DEF6: variants seen among roughly 807,000 people sequenced by gnomAD.
DEF6 encodes the protein DEF6 guanine nucleotide exchange factor.
DEF6 carries 32 observed loss-of-function variants against 80.5 expected under a neutral mutation model. The ratio of observed to expected loss-of-function variants is 0.40; its 90% confidence interval spans 0.30 to 0.53. The LOEUF is 0.53. DEF6 is among the 20% of genes least tolerant of loss of function. DEF6 has a pLI of 0.57. For synonymous variants in DEF6, 300 were observed against 337.9 expected, an observed-to-expected ratio of 0.89 and a Z score of 1.23; for missense variants, 575 against 818.7, an observed-to-expected ratio of 0.70 and a Z score of 3.63.
intron 1 of DEF6, among the ~76,000 whole-genome samples, chr6:35,300,098 G>A (rs1022531528): frequency 6.6e-6 from 1 of 152,116 alleles, no homozygotes; most frequent in Non-Finnish European, 1.5e-5. Flanking sequence ...CATAGCTCAC[G>A]ACAGCCTCAA....
chr6:35,307,061 T>C (rs1053470033), intron 1 of DEF6, among the ~76,000 whole-genome samples: 4 of 152,218 alleles, frequency 2.6e-5, no homozygotes, highest in Non-Finnish European at 5.9e-5. Flanking sequence ...TTAATGAGCA[T>C]TCTTGTATCT....
At chr6:35,310,365 C>T in intron 2 of DEF6, 94 bp from the exon 3 acceptor site, 4 of 1,366,314 alleles carry the variant, frequency 2.9e-6, no homozygotes, top group Non-Finnish European at 4.1e-6. Flanking sequence ...AGGTGGGGAG[C>T]AGGGGCATAG....
intron 5 of DEF6, among the ~76,000 whole-genome samples, chr6:35,315,642 T>C (rs1791516527): frequency 1.3e-5 from 2 of 152,258 alleles, no homozygotes. Context: ...TTTATAGTTT[T>C]TCTTGTATAG....
Position 35,318,567 on chromosome 6 carries a change from C to A in DEF6, c.1215+96C>A. On this transcript the variant is annotated intron_variant, in intron 7 of 10. Coordinates refer to ENST00000316637, the MANE Select transcript of DEF6 (RefSeq NM_022047.4). This position sits in a 1 kb window ranked among gnomAD's most constrained non-coding sequence, Gnocchi z 5.1. Reference sequence around the variant, plus strand: ...GGCGGGGCCTGGGCAGAGGGCGGAGCTCCTGGGTTGAGGGGCGTGCACTGG... The same window carrying A: ...GGCGGGGCCTGGGCAGAGGGCGGAGATCCTGGGTTGAGGGGCGTGCACTGG... The A allele has an allele frequency of 8.1e-7, 1 of 1,228,806 alleles. No individual in the cohort carries two copies. Among genetic ancestry groups the A allele is most frequent in the Non-Finnish European group, 1.0e-6 (1 of 955,256 alleles). 76.1% of individuals were successfully genotyped at this position (1,228,806 alleles called of 1,614,324 possible).
intron 2 of DEF6, 21 bp from the exon 3 acceptor site, chr6:35,310,438 G>A (rs1791453198): frequency 6.2e-7 from 1 of 1,611,372 alleles, no homozygotes; most frequent in African/African-American, 1.3e-5. Flanking sequence ...GCAGTCAGCT[G>A]ATTTGCAGCC....
chr6:35,315,842 AGTCCCTTTTTTTTTTTTTTTTTTTTT>A (rs1358585858), intron 5 of DEF6, among the ~76,000 whole-genome samples: 2 of 133,358 alleles, frequency 1.5e-5, no homozygotes, highest in Non-Finnish European at 3.2e-5. Flanking sequence ...TTTTTGTTGG[AGTCCCTTTTTTTTTTTTTTTTTTTTT>A]TGAGGAGGAG....
chr6:35,318,022 G>A lies in DEF6; in HGVS notation c.916+23G>A. 1.9e-6 allele frequency: 3 copies of A among 1,602,382 alleles called. No individual in the cohort carries two copies. The highest frequency in any genetic ancestry group is 1.7e-6 in the Non-Finnish European group (2 of 1,173,930). On this transcript the variant is annotated intron_variant, in intron 6 of 10. Transcript: ENST00000316637. This position sits in a 1 kb window ranked among gnomAD's most constrained non-coding sequence, Gnocchi z 5.1. The stretch of plus-strand genomic sequence containing the variant: ...CTGGTGAGTGCTCGCTAGGTGGCTT[G>A]GGTCTGGGTGGTCCTTAGGCGCCTC...
At chr6:35,305,881 T>G (rs1013644937) in intron 1 of DEF6, among the ~76,000 whole-genome samples, 2 of 151,092 alleles carry the variant, frequency 1.3e-5, no homozygotes, top group African/African-American at 2.4e-5. Flanking sequence ...CCAAATTTGT[T>G]TTTTTGTTTT....
intron 5 of DEF6, among the ~76,000 whole-genome samples, chr6:35,314,162 C>T (rs988636475): frequency 1.3e-5 from 2 of 152,148 alleles, no homozygotes; most frequent in African/African-American, 2.4e-5. Flanking sequence ...AATCCCAGCA[C>T]TTTGGGAGGC....
At chr6:35,309,538 A>T in intron 1 of DEF6, 132 bp from the exon 2 acceptor site, 1 of 969,290 alleles carries the variant, frequency 1.0e-6, no homozygotes, top group Non-Finnish European at 1.5e-6. Context: ...TTTAGTTATT[A>T]CTGAACTGAA....
In DEF6 at chr6:35,321,183, C is replaced by A. The variant is rs770709255; in HGVS notation, c.1673-4C>A. The A allele has an allele frequency of 6.2e-7, 1 of 1,611,712 alleles. No homozygotes were observed. Among genetic ancestry groups the A allele is most frequent in the South Asian group, 1.1e-5 (1 of 90,982 alleles). ...TCCTTACTTGCCTGCCTTCTCTCTG[C>A]CAGATAAGCGTCCGGTCACCAGCAG... On this transcript the variant is annotated splice_region_variant and splice_polypyrimidine_tract_variant and intron_variant, in intron 10 of 10. Transcript: ENST00000316637.
At chr6:35,305,146 ATT>A (rs772142863) in intron 1 of DEF6, among the ~76,000 whole-genome samples, 6 of 134,694 alleles carry the variant, frequency 4.5e-5, no homozygotes, top group Non-Finnish European at 4.9e-5. Context: ...AAAAAAAAGA[ATT>A]TTTTTTTTTT....
intron 3 of DEF6, among the ~76,000 whole-genome samples, chr6:35,311,713 T>C (rs1791469492): frequency 6.6e-6 from 1 of 152,152 alleles, no homozygotes; most frequent in African/African-American, 2.4e-5. Context: ...CCGGTTCCTC[T>C]GTAACAGGTT....
intron 9 of DEF6, among the ~76,000 whole-genome samples, chr6:35,320,514 G>A (rs1288225882): frequency 6.6e-6 from 1 of 152,212 alleles, no homozygotes; most frequent in Non-Finnish European, 1.5e-5. Flanking sequence ...AGGTGGTGTA[G>A]TGCAGTGGCT....
chr6:35,309,755 G>T lies in DEF6; in HGVS notation c.182G>T (p.Gly61Val), dbSNP rs2150386747. 1 of 1,614,028 alleles carries T rather than the reference G, an allele frequency of 6.2e-7. No individual in the cohort carries two copies. The highest frequency in any genetic ancestry group is 8.5e-7 in the Non-Finnish European group (1 of 1,180,004). The change falls in exon 2 of 11, where the codon GGC becomes GTC. Residue 61 changes from glycine (G) to valine (V), a missense_variant. Transcript: ENST00000316637. Reference sequence around the variant, plus strand: ...GAACACTTCCGAGATGATGATGACGGCCCTGTGTCCAGCCAGGGATACATG... The same window carrying T: ...GAACACTTCCGAGATGATGATGACGTCCCTGTGTCCAGCCAGGGATACATG... ...LEEHFRDDDD[G>V]PVSSQGYMPY...
At chr6:35,305,010 A>C (rs1301231947) in intron 1 of DEF6, among the ~76,000 whole-genome samples, 1 of 147,102 alleles carries the variant, frequency 6.8e-6, no homozygotes, top group East Asian at 2.1e-4. Context: ...CCAACACTTT[A>C]GGAGGCCGAG....
chr6:35,318,079 C>T lies in DEF6; in HGVS notation c.916+80C>T, dbSNP rs187579304. 17 of 1,548,084 alleles carry T rather than the reference C, an allele frequency of 1.1e-5. No individual in the cohort carries two copies. In the African/African-American group the frequency reaches 2.3e-4, roughly 21 times the overall value. ...GAAAAGGGGGTGATAATACTTTGTC[C>T]AGCGGGAGGTTGGAGAGTGGACTCG... On this transcript the variant is annotated intron_variant, in intron 6 of 10. Coordinates refer to ENST00000316637, the MANE Select transcript of DEF6 (RefSeq NM_022047.4). This position sits in a 1 kb window ranked among gnomAD's most constrained non-coding sequence, Gnocchi z 5.1.
Position 35,318,168 on chromosome 6 carries a change from G to C in DEF6, c.917-5G>C. On this transcript the variant is annotated splice_region_variant and splice_polypyrimidine_tract_variant and intron_variant, in intron 6 of 10. Coordinates refer to ENST00000316637, the MANE Select transcript of DEF6 (RefSeq NM_022047.4). This position sits in a 1 kb window ranked among gnomAD's most constrained non-coding sequence, Gnocchi z 5.1. ...TCCTACTGACCCGCTCCCGCTCTTC[G>C]GCAGCCATCCAGATGGCGATCCGGC... The C allele has an allele frequency of 6.5e-7, 1 of 1,549,714 alleles. No individual in the cohort carries two copies. The highest frequency in any genetic ancestry group is 1.2e-5 in the South Asian group (1 of 81,866).
chr6:35,314,360 T>C (rs529258300), intron 5 of DEF6, among the ~76,000 whole-genome samples: 1 of 147,116 alleles, frequency 6.8e-6, no homozygotes, highest in Non-Finnish European at 1.5e-5. Flanking sequence ...TGAGTCAAGA[T>C]TGCACCATTG....
Sources: gnomAD v4.1 joint callset for allele counts (sites outside exome capture counted in the v4.1 genomes callset) on GRCh38, gnomAD v4.1.1 for gene constraint, Gnocchi (gnomAD v3.1) non-coding constraint, MANE v1.5 for transcripts, NCBI Gene and HGNC (gene_info 2026-07-23, HGNC 2026-07-21) for gene names.